The following CROT variants were observed in gnomAD, a reference collection of about 807,000 sequenced individuals.
CROT encodes peroxisomal carnitine O-octanoyltransferase.
In CROT, 84 loss-of-function variants were observed where a neutral mutation model predicts 89.2. That is an observed-to-expected ratio of 0.94 (90% CI 0.79 to 1.13). The LOEUF (loss-of-function observed/expected upper bound fraction) is 1.13, where lower values mean the gene tolerates loss of function less well. Ranked by LOEUF, CROT falls within the 50% of genes most tolerant of loss-of-function variation. The pLI is 0.00. For missense variants in CROT, 711 were observed against 727.8 expected (o/e 0.98, Z 0.27); for synonymous variants, 212 against 239.5 (o/e 0.89, Z 1.06).
At chr7:87,362,304 CTTTTT>C (rs1237429320) in intron 6 of CROT, among the ~76,000 whole-genome samples, 1 of 132,352 alleles carries the variant, frequency 7.6e-6, no homozygotes, top group Non-Finnish European at 1.6e-5. Flanking sequence ...GTCACTCTTC[CTTTTT>C]TTTTTTTTTT....
chr7:87,395,789 A>G (rs141004943), intron 17 of CROT, among the ~76,000 whole-genome samples: 246 of 152,238 alleles, frequency 1.6e-3, no homozygotes, highest in African/African-American at 5.3e-3. Flanking sequence ...AAAATGGTCT[A>G]CTTGCCCCCA....
intron 7 of CROT, among the ~76,000 whole-genome samples, chr7:87,372,502 G>T (rs576387107): frequency 6.6e-6 from 1 of 152,174 alleles, no homozygotes; most frequent in South Asian, 2.1e-4. Context: ...TGCTTCATGG[G>T]CTGCATTCAG....
Position 87,346,361 on chromosome 7 carries a change from C to G in CROT, c.-91C>G, listed in dbSNP as rs1392139319. 1 of 152,200 alleles carries G rather than the reference C, an allele frequency of 6.6e-6. No homozygotes were observed. Among genetic ancestry groups the G allele is most frequent in the Non-Finnish European group, 1.5e-5 (1 of 68,060 alleles). The allele number at this position is 152,200 out of a possible 1,614,324, so 9.4% of individuals were successfully genotyped here. A position where few individuals can be genotyped will look rare whatever the true frequency, so the allele number is the denominator to read the frequency against. The stretch of plus-strand genomic sequence containing the variant: ...ACAGTCACCGACTTAGTCCAGTTCC[C>G]TGTGATCTCAAAACAATTGTTGCAG... On this transcript the variant is annotated 5_prime_UTR_variant, in exon 2 of 18. Transcript: ENST00000331536.
intron 7 of CROT, chr7:87,369,789 T>G (rs536170540): frequency 6.6e-6 from 1 of 151,214 alleles, no homozygotes; most frequent in Admixed American, 6.7e-5. Flanking sequence ...CCTGTTGCAA[T>G]GAATTTACAT....
At chr7:87,358,016 T>C (rs1472089823) in intron 3 of CROT, among the ~76,000 whole-genome samples, 2 of 152,194 alleles carry the variant, frequency 1.3e-5, no homozygotes, top group African/African-American at 4.8e-5. Context: ...AGTCTCCAGA[T>C]GGAGCTGAAA....
chr7:87,379,792 A>C (rs189305481), intron 10 of CROT, among the ~76,000 whole-genome samples: 3 of 152,340 alleles, frequency 2.0e-5, no homozygotes, highest in Non-Finnish European at 4.4e-5. Flanking sequence ...GGTGCAGTTT[A>C]ACCTTTGTAA....
chr7:87,351,218 A>T (rs1805856634), intron 3 of CROT, among the ~76,000 whole-genome samples: 2 of 146,002 alleles, frequency 1.4e-5, no homozygotes, highest in African/African-American at 5.0e-5. Context: ...CTGAGACAGG[A>T]GAATGGCGTG....
rs889345260 is a variant in CROT at position 87,359,719 on chromosome 7, T to C, written c.240+389T>C. Reference sequence around the variant, plus strand: ...TGTCACATAGGTGGCATAGAAATATTTTCGTAGTACAATGGAGAAAGGGAA... The same window carrying C: ...TGTCACATAGGTGGCATAGAAATATCTTCGTAGTACAATGGAGAAAGGGAA... On this transcript the variant is annotated intron_variant, in intron 4 of 17. Coordinates refer to ENST00000331536, the MANE Select transcript of CROT (RefSeq NM_021151.4). 22 of 1,017,756 alleles carry C rather than the reference T, an allele frequency of 2.2e-5. No individual in the cohort carries two copies. The Middle Eastern group carries it at 1.9e-3, about 90-fold the overall frequency. 63.0% of individuals were successfully genotyped at this position (1,017,756 alleles called of 1,614,324 possible).
In CROT at chr7:87,398,878, A is replaced by G; in HGVS notation, c.*234A>G. ...GCAGCAGCAATGCAAATTATGACAT[A>G]GTGAATATAGAACTATGCAGTATTT... On this transcript the variant is annotated 3_prime_UTR_variant, in exon 18 of 18. Transcript: ENST00000331536. 2.0e-6 allele frequency: 1 copy of G among 500,130 alleles called. No homozygotes were observed. Among genetic ancestry groups the G allele is most frequent in the Non-Finnish European group, 3.6e-6 (1 of 278,592 alleles). 31.0% of individuals were successfully genotyped at this position (500,130 alleles called of 1,614,324 possible).
chr7:87,382,378 A>G (rs1317373615), intron 12 of CROT, 35 bp from the exon 13 acceptor site: 1 of 1,600,666 alleles, frequency 6.2e-7, no homozygotes, highest in Non-Finnish European at 8.5e-7. Context: ...TCCTTAGGTG[A>G]TTTTTCACCG....
chr7:87,359,505 G>A (rs547705063), intron 4 of CROT, 175 bp downstream of exon 4: 31 of 1,358,858 alleles, frequency 2.3e-5, no homozygotes, highest in South Asian at 6.6e-5. Context: ...GGGTGGATTC[G>A]GGAACTTGTT....
chr7:87,358,342 A>C (rs1198235687), intron 3 of CROT, among the ~76,000 whole-genome samples: 1 of 150,936 alleles, frequency 6.6e-6, no homozygotes, highest in Admixed American at 6.6e-5. Context: ...AAGAGCCAGG[A>C]GTGGTGGCGG....
At chr7:87,386,140 T>G (rs1384093822) in intron 13 of CROT, among the ~76,000 whole-genome samples, 6 of 152,210 alleles carry the variant, frequency 3.9e-5, no homozygotes, top group Non-Finnish European at 8.8e-5. Context: ...TTTAGTTGTG[T>G]CCTTTTCTGG....
In CROT at chr7:87,392,626, G is replaced by A; in HGVS notation, c.1486G>A (p.Asp496Asn). Residue 496 changes from aspartate (D) to asparagine (N), a missense_variant, in exon 15 of 18, where the codon GAT (aspartate) becomes AAT (asparagine). Asp to Asn is a conservative substitution (Grantham distance 23, BLOSUM62 1). Transcript: ENST00000331536. ...AFAKHNKMMKDCSAGKGFDRH... is the reference protein window; with the variant it reads ...AFAKHNKMMKNCSAGKGFDRH... Reference sequence around the variant, plus strand: ...TGCAAAGCATAATAAAATGATGAAAGATTGTTCAGCTGGAAAAGGTACTTA... The same window carrying A: ...TGCAAAGCATAATAAAATGATGAAAAATTGTTCAGCTGGAAAAGGTACTTA... 6.2e-7 allele frequency: 1 copy of A among 1,613,292 alleles called. No homozygotes were observed. The highest frequency in any genetic ancestry group is 8.5e-7 in the Non-Finnish European group (1 of 1,179,542).
At chr7:87,365,644 G>A (rs915781571) in intron 6 of CROT, among the ~76,000 whole-genome samples, 5 of 131,944 alleles carry the variant, frequency 3.8e-5, no homozygotes, top group Non-Finnish European at 6.4e-5. Flanking sequence ...TTTTTGGTCT[G>A]TCACCTAGGG....
At chr7:87,366,242 A>ATT (rs148048661) in intron 6 of CROT, among the ~76,000 whole-genome samples, 2 of 150,062 alleles carry the variant, frequency 1.3e-5, no homozygotes, top group Admixed American at 6.7e-5. Context: ...GCAAGGGGGA[A>ATT]TTTTTTTTTT....
At position 87,377,415 on chromosome 7, in the gene CROT, T is replaced by A; in HGVS notation, c.943T>A (p.Ser315Thr). 2.5e-6 allele frequency: 4 copies of A among 1,611,168 alleles called. No homozygotes were observed. Among genetic ancestry groups the A allele is most frequent in the Non-Finnish European group, 3.4e-6 (4 of 1,177,790 alleles). ...GGGTGACAAATCCTATAACTTGATT[T>A]CCTTTTCTAATGGAGTATTTGGCTG... is the stretch of plus-strand genomic sequence containing the variant. ...RWGDKSYNLI[S>T]FSNGVFGCNC... The change falls in exon 10 of 18, where the codon TCC becomes ACC. Residue 315 changes from serine (S) to threonine (T), a missense_variant. Transcript: ENST00000331536.
chr7:87,398,752 T>C lies in CROT; in HGVS notation c.*108T>C. 2.8e-6 allele frequency: 3 copies of C among 1,059,394 alleles called. No individual in the cohort carries two copies. Among genetic ancestry groups the C allele is most frequent in the Non-Finnish European group, 4.1e-6 (3 of 740,440 alleles). The allele number at this position is 1,059,394 out of a possible 1,614,324, so 65.6% of individuals were successfully genotyped here. A position where few individuals can be genotyped will look rare whatever the true frequency, so the allele number is the denominator to read the frequency against. On this transcript the variant is annotated 3_prime_UTR_variant, in exon 18 of 18. Transcript: ENST00000331536. Reference sequence around the variant, plus strand: ...GAATGTTGACTTGCTAACATTCCTTTAACAAGTTAAGAAAACTTGTTAAAT... The same window carrying C: ...GAATGTTGACTTGCTAACATTCCTTCAACAAGTTAAGAAAACTTGTTAAAT...
At chr7:87,362,304 CTTT>C (rs1237429320) in intron 6 of CROT, among the ~76,000 whole-genome samples, 11 of 132,332 alleles carry the variant, frequency 8.3e-5, no homozygotes, top group South Asian at 2.4e-4. Context: ...GTCACTCTTC[CTTT>C]TTTTTTTTTT....
Sources: allele counts gnomAD v4.1 joint callset (sites outside exome capture counted in the v4.1 genomes callset), GRCh38; gene constraint gnomAD v4.1.1; transcripts MANE v1.5; gene names NCBI Gene and HGNC (gene_info 2026-07-23, HGNC 2026-07-21).